The following GLRA1 variants were observed in gnomAD, a reference collection of about 807,000 sequenced individuals.
GLRA1 encodes the protein glycine receptor subunit alpha-1.
In GLRA1, 37 loss-of-function variants were observed where a neutral mutation model predicts 48.3. The ratio of observed to expected loss-of-function variants is 0.77; its 90% confidence interval spans 0.59 to 1.01. The LOEUF is 1.01. Ranked by LOEUF, GLRA1 falls within the 50% of genes least tolerant of loss-of-function variation. The probability of loss-of-function intolerance (pLI) is 0.00; values close to 1 mark genes in which losing one functional copy is unlikely to be tolerated. For missense variants in GLRA1, 427 were observed against 571.0 expected, an observed-to-expected ratio of 0.75 and a Z score of 2.57; for synonymous variants, 196 against 210.7, an observed-to-expected ratio of 0.93 and a Z score of 0.60.
At chr5:151,841,144 CAAACTT>C (rs758540689) in intron 7 of GLRA1, among the ~76,000 whole-genome samples, 14 of 151,970 alleles carry the variant, frequency 9.2e-5, no homozygotes, top group Non-Finnish European at 1.5e-4. Context: ...AAACAAGTCT[CAAACTT>C]AAAATAGTTG....
At chr5:151,850,268 G>A (rs1179534976) in intron 7 of GLRA1, 12 of 1,604,488 alleles carry the variant, frequency 7.5e-6, no homozygotes, top group Non-Finnish European at 1.0e-5. Flanking sequence ...CTGAGGTCAT[G>A]CCTGCCCAGT....
intron 2 of GLRA1, 31 bp from the exon 3 acceptor site, chr5:151,886,819 C>T (rs779904059): frequency 6.4e-7 from 1 of 1,550,460 alleles, no homozygotes; most frequent in South Asian, 1.1e-5. Context: ...CTGCTTAGCC[C>T]CAAGGCCATG....
At chr5:151,835,023 A>G in intron 7 of GLRA1, among the ~76,000 whole-genome samples, 1 of 125,610 alleles carries the variant, frequency 8.0e-6, no homozygotes, top group African/African-American at 3.2e-5. Flanking sequence ...GCGAGACAAC[A>G]TCTCAAAAAA....
chr5:151,868,426 GTAGGTTT>G (rs1753391135), intron 3 of GLRA1, among the ~76,000 whole-genome samples: 2 of 152,162 alleles, frequency 1.3e-5, no homozygotes, highest in Non-Finnish European at 2.9e-5. Context: ...ACCCTGTGAG[GTAGGTTT>G]TATTGTTATT....
intron 3 of GLRA1, among the ~76,000 whole-genome samples, chr5:151,870,391 G>A (rs1025571893): frequency 1.1e-4 from 16 of 149,666 alleles, no homozygotes; most frequent in Admixed American, 1.3e-4. Flanking sequence ...TGGAAATATG[G>A]AAACTAAGAT....
At chr5:151,823,921 T>A (rs1403127158) in intron 8 of GLRA1, among the ~76,000 whole-genome samples, 2 of 152,064 alleles carry the variant, frequency 1.3e-5, no homozygotes, top group Non-Finnish European at 2.9e-5. Context: ...TTGTTATCGT[T>A]GCATGTGAGC....
Position 151,822,691 on chromosome 5 carries a change from C to T in GLRA1, c.1332G>A (p.Glu444=). The change falls in exon 9 of 9, where the codon GAG becomes GAA. Residue 444 remains glutamate, a synonymous_variant. Transcript: ENST00000274576. ...AGACCCTTCACTGGTTGTGGACGTC[C>T]TCTCTACGGACAATCTTGTAGATGA... The part of the protein sequence containing the change: ...YWIIYKIVRR[E]DVHNQ The T allele has an allele frequency of 1.9e-6, 3 of 1,613,368 alleles. No individual in the cohort carries two copies. Among genetic ancestry groups the T allele is most frequent in the African/African-American group, 2.7e-5 (2 of 74,994 alleles).
chr5:151,835,554 A>G (rs954046779), intron 7 of GLRA1, among the ~76,000 whole-genome samples: 3 of 152,212 alleles, frequency 2.0e-5, no homozygotes, highest in African/African-American at 7.2e-5. Flanking sequence ...CGATTAGAAA[A>G]TCCTCAATAA....
chr5:151,859,703 C>T, intron 4 of GLRA1, 82 bp downstream of exon 4: 3 of 1,036,738 alleles, frequency 2.9e-6, no homozygotes. Context: ...CTGTTTGGCC[C>T]CTCTTTTAGA....
intron 7 of GLRA1, chr5:151,849,120 C>CTTTCTTTTCTTTTCTTTTCT (rs1561554276): frequency 5.8e-6 from 1 of 172,936 alleles, no homozygotes; most frequent in African/African-American, 6.0e-5. Context: ...TTCTTTCTTT[C>CTTTCTTTTCTTTTCTTTTCT]TTTCTTTCTT....
intron 7 of GLRA1, among the ~76,000 whole-genome samples, chr5:151,844,069 C>T (rs1305271803): frequency 6.6e-6 from 1 of 151,834 alleles, no homozygotes; most frequent in Non-Finnish European, 1.5e-5. Context: ...ACTGGGGAGG[C>T]TGAGGCAGAA....
rs570687225 is a variant in GLRA1, at chr5:151,824,634, A to G, written c.1060-1671T>C. On this transcript the variant is annotated intron_variant, in intron 8 of 8. Transcript: ENST00000274576. Reference sequence around the variant, plus strand: ...CTCTGAACCCCATCTCTTGTCTCCAACTCCTCTTTCACCTAATTCTTCCTT... The same window carrying G: ...CTCTGAACCCCATCTCTTGTCTCCAGCTCCTCTTTCACCTAATTCTTCCTT... Among the ~76,000 whole-genome samples the G allele has an allele frequency of 1.3e-4, 20 of 151,626 alleles. No homozygotes were observed. In the East Asian group the frequency reaches 2.3e-3, roughly 18 times the overall value.
intron 1 of GLRA1, among the ~76,000 whole-genome samples, chr5:151,918,989 G>C (rs1221142214): frequency 6.6e-6 from 1 of 152,112 alleles, no homozygotes; most frequent in Non-Finnish European, 1.5e-5. Context: ...GGGTCCCTGG[G>C]TACATAGGAG....
intron 3 of GLRA1, among the ~76,000 whole-genome samples, chr5:151,877,699 A>T (rs1322434438): frequency 6.6e-6 from 1 of 152,200 alleles, no homozygotes; most frequent in Non-Finnish European, 1.5e-5. Context: ...GAATAAGCTC[A>T]CAAGATCTGA....
intron 3 of GLRA1, among the ~76,000 whole-genome samples, chr5:151,874,795 T>C (rs1176450462): frequency 6.6e-6 from 1 of 152,118 alleles, no homozygotes; most frequent in East Asian, 1.9e-4. Flanking sequence ...CATGCAAAGA[T>C]CTTTCTGGGC....
intron 7 of GLRA1, among the ~76,000 whole-genome samples, chr5:151,831,122 T>TA (rs1344465191): frequency 1.3e-5 from 2 of 152,236 alleles, no homozygotes; most frequent in African/African-American, 4.8e-5. Context: ...CGGCCCCAGA[T>TA]ACTACTCTTT....
chr5:151,883,099 C>A (rs1753798718), intron 3 of GLRA1, among the ~76,000 whole-genome samples: 1 of 152,158 alleles, frequency 6.6e-6, no homozygotes, highest in Non-Finnish European at 1.5e-5. Flanking sequence ...GCACCTCCTG[C>A]CCTACTTTGG....
At chr5:151,827,639 C>T (rs929689282) in intron 8 of GLRA1, among the ~76,000 whole-genome samples, 10 of 152,184 alleles carry the variant, frequency 6.6e-5, no homozygotes, top group South Asian at 2.1e-4. Flanking sequence ...CAGCACATTG[C>T]GCCTGGGCAG....
intron 3 of GLRA1, among the ~76,000 whole-genome samples, chr5:151,877,473 C>T (rs933002353): frequency 1.1e-4 from 17 of 151,916 alleles, no homozygotes; most frequent in Admixed American, 5.9e-4. Context: ...TGAAGAGATA[C>T]CAGTAAAAAT....
Sources: allele counts gnomAD v4.1 joint callset (sites outside exome capture counted in the v4.1 genomes callset), GRCh38; gene constraint gnomAD v4.1.1; transcripts MANE v1.5; gene names NCBI Gene and HGNC (gene_info 2026-07-23, HGNC 2026-07-21).